The following SUGCT variants were observed in gnomAD, a reference collection of about 807,000 sequenced individuals.
SUGCT encodes the protein succinyl-CoA:glutarate-CoA transferase.
A neutral mutation model predicts 55.0 loss-of-function variants in SUGCT; 41 were observed. The ratio of observed to expected loss-of-function variants is 0.74; its 90% CI spans 0.58 to 0.97. SUGCT has a LOEUF of 0.97. Among genes scored for constraint, SUGCT ranks in the 50% least tolerant of loss-of-function variants. SUGCT has a pLI of 0.00. For synonymous variants in SUGCT, 187 were observed against 200.4 expected (o/e 0.93, Z 0.56); for missense variants, 568 against 547.8 (o/e 1.04, Z -0.37).
At chr7:40,423,606 G>A (rs980081541) in intron 9 of SUGCT, among the ~76,000 whole-genome samples, 3 of 151,682 alleles carry the variant, frequency 2.0e-5, no homozygotes, top group African/African-American at 7.3e-5. Flanking sequence ...CATTTTTATG[G>A]TCCAGTCATT....
chr7:40,290,338 CAG>C (rs1241088350), intron 8 of SUGCT, among the ~76,000 whole-genome samples: 2 of 152,272 alleles, frequency 1.3e-5, no homozygotes, highest in Admixed American at 1.3e-4. Context: ...ACAGAGCCCT[CAG>C]AAATAATGCC....
chr7:40,836,119 A>G (rs2128783425), intron 13 of SUGCT, among the ~76,000 whole-genome samples: 1 of 151,828 alleles, frequency 6.6e-6, no homozygotes, highest in Non-Finnish European at 1.5e-5. Flanking sequence ...GTCTGGTCTC[A>G]AACTCCTGAG....
At chr7:40,280,592 G>C (rs1792887967) in intron 8 of SUGCT, among the ~76,000 whole-genome samples, 1 of 151,988 alleles carries the variant, frequency 6.6e-6, no homozygotes, top group South Asian at 2.1e-4. Flanking sequence ...CATGTACATT[G>C]ATCATATTAC....
the SUGCT span, chr7:40,966,343 A>G: frequency 6.6e-6 from 1 of 152,242 alleles, no homozygotes; most frequent in African/African-American, 2.4e-5. Context: ...AAGCTGTTAC[A>G]TATCATCCTC....
intron 1 of SUGCT, among the ~76,000 whole-genome samples, chr7:40,161,833 G>A (rs183192605): frequency 3.9e-5 from 6 of 152,220 alleles, no homozygotes; most frequent in Non-Finnish European, 7.4e-5. Flanking sequence ...ATAACTGTAG[G>A]TTGATTTATA....
intron 13 of SUGCT, among the ~76,000 whole-genome samples, chr7:40,787,772 T>G (rs1248243095): frequency 1.4e-5 from 2 of 145,958 alleles, no homozygotes; most frequent in Admixed American, 6.9e-5. Flanking sequence ...GTAACCTCCC[T>G]ACTTCAGCGA....
intron 8 of SUGCT, among the ~76,000 whole-genome samples, chr7:40,295,756 G>T (rs17171672): frequency 0.3 from 45,379 of 152,056 alleles, 7,126 homozygotes; most frequent in East Asian, 0.46. Flanking sequence ...GTCTGTATGA[G>T]AATTTTGTAA....
chr7:41,011,521 A>G, the SUGCT span, among the ~76,000 whole-genome samples: 1 of 152,240 alleles, frequency 6.6e-6, no homozygotes, highest in Non-Finnish European at 1.5e-5. Context: ...AGCTTGTTAG[A>G]AATGCAGAAA....
At chr7:40,731,966 A>G (rs1786909210) in intron 12 of SUGCT, among the ~76,000 whole-genome samples, 1 of 152,206 alleles carries the variant, frequency 6.6e-6, no homozygotes, top group South Asian at 2.1e-4. Context: ...GGGTACATGA[A>G]TTAAACAGAA....
At chr7:40,766,436 C>T (rs1014913604) in intron 13 of SUGCT, among the ~76,000 whole-genome samples, 1 of 152,136 alleles carries the variant, frequency 6.6e-6, no homozygotes, top group Non-Finnish European at 1.5e-5. Context: ...TCTCGAACTC[C>T]TGACCTCAGG....
At chr7:40,809,657 G>T (rs1047386586) in intron 13 of SUGCT, among the ~76,000 whole-genome samples, 11 of 152,040 alleles carry the variant, frequency 7.2e-5, no homozygotes, top group African/African-American at 2.4e-4. Flanking sequence ...GATTCAGGGG[G>T]TATATGTGCA....
At chr7:40,444,154 C>T (rs1490887856) in intron 9 of SUGCT, among the ~76,000 whole-genome samples, 16 of 152,058 alleles carry the variant, frequency 1.1e-4, no homozygotes, top group Admixed American at 8.5e-4. Context: ...AGTCAGGTAG[C>T]GTGATGCCTC....
intron 10 of SUGCT, among the ~76,000 whole-genome samples, chr7:40,450,307 G>A (rs1027194813): frequency 2.0e-5 from 3 of 151,612 alleles, no homozygotes; most frequent in Admixed American, 6.6e-5. Flanking sequence ...TTAGAACTTA[G>A]GTATCTGTTC....
intron 12 of SUGCT, among the ~76,000 whole-genome samples, chr7:40,644,205 C>G (rs1001895680): frequency 4.6e-5 from 7 of 152,114 alleles, no homozygotes; most frequent in African/African-American, 1.7e-4. Flanking sequence ...CAAATAAATC[C>G]TTATTCCTTG....
In SUGCT at chr7:40,353,749, C is replaced by A. The variant is rs190013015; in HGVS notation, c.816+36894C>A. On this transcript the variant is annotated intron_variant, in intron 9 of 13. Coordinates refer to ENST00000335693, the MANE Select transcript of SUGCT (RefSeq NM_001193313.2). ...ACCATCTTAAGTACCGAAAATATGA[C>A]AAGTATCATCAGTTTCATCAACATC... is the stretch of plus-strand genomic sequence containing the variant. Among the ~76,000 whole-genome samples, 403 of 152,224 alleles carry A rather than the reference C, an allele frequency of 2.6e-3. 12 individuals are homozygous for A. In the South Asian group the frequency reaches 0.057, roughly 22 times the overall value.
chr7:40,307,750 A>G (rs1317954296), intron 8 of SUGCT, among the ~76,000 whole-genome samples: 1 of 152,184 alleles, frequency 6.6e-6, no homozygotes, highest in Non-Finnish European at 1.5e-5. Context: ...TTAACATGGC[A>G]TGGACAATAT....
chr7:40,419,621 G>A (rs114357289), intron 9 of SUGCT, among the ~76,000 whole-genome samples: 188 of 152,174 alleles, frequency 1.2e-3, no homozygotes, highest in African/African-American at 4.4e-3. Flanking sequence ...GTTCAAGAGC[G>A]TGCTCATCTC....
At chr7:40,368,146 A>G (rs1352702361) in intron 9 of SUGCT, among the ~76,000 whole-genome samples, 1 of 143,948 alleles carries the variant, frequency 6.9e-6, no homozygotes, top group Non-Finnish European at 1.6e-5. Flanking sequence ...TTTCCCTCGT[A>G]AGTCAGATCT....
chr7:41,025,532 A>G, the SUGCT span, among the ~76,000 whole-genome samples: 1 of 151,790 alleles, frequency 6.6e-6, no homozygotes, highest in Non-Finnish European at 1.5e-5. Context: ...ACCACTACTA[A>G]AAATAGTAGA....
Sources: gnomAD v4.1 joint callset for allele counts (sites outside exome capture counted in the v4.1 genomes callset) on GRCh38, gnomAD v4.1.1 for gene constraint, MANE v1.5 for transcripts, NCBI Gene and HGNC (gene_info 2026-07-23, HGNC 2026-07-21) for gene names.